LDLRAD3: variants seen among roughly 807,000 people sequenced by gnomAD.
The protein encoded by LDLRAD3 is low density lipoprotein receptor class A domain containing 3, also known as low-density lipoprotein receptor class A domain-containing protein 3.
Under a neutral mutation model 29.4 loss-of-function variants are expected in LDLRAD3, and 20 were observed. That is an observed-to-expected ratio of 0.68 (90% CI 0.48 to 0.99). LDLRAD3 has a LOEUF of 0.99. Among genes scored for constraint, LDLRAD3 ranks in the 50% least tolerant of loss-of-function variants. The pLI, the probability that LDLRAD3 is intolerant of heterozygous loss-of-function variation, is 0.00. For missense variants in LDLRAD3, 420 were observed against 454.3 expected (o/e 0.92, Z 0.69); for synonymous variants, 157 against 192.7 (o/e 0.81, Z 1.53).
rs562481576 is a variant in LDLRAD3, at chr11:35,990,401, C to T, written c.47-45702C>T. Among the ~76,000 whole-genome samples the T allele has an allele frequency of 2.0e-5, 3 of 152,098 alleles. No individual in the cohort carries two copies. The South Asian group carries it at 6.2e-4, about 32-fold the overall frequency. On this transcript the variant is annotated intron_variant, in intron 1 of 5. Transcript: ENST00000315571. Reference sequence around the variant, plus strand: ...TGTGGCATTCCTTGGCTGGCAGCTGCATAACTTCAATCTCTGCCTCCATCT... The same window carrying T: ...TGTGGCATTCCTTGGCTGGCAGCTGTATAACTTCAATCTCTGCCTCCATCT...
At chr11:36,046,856 G>C (rs79540789) in intron 2 of LDLRAD3, among the ~76,000 whole-genome samples, 2,296 of 152,216 alleles carry the variant, frequency 0.015, 53 homozygotes, top group African/African-American at 0.052. Context: ...AACCAAGTGT[G>C]TCAATAAAGC....
rs541155009 is a variant in LDLRAD3, at chr11:35,944,173, CCGCGGGGCGCGGGG to C, written c.46+47_46+60del. On this transcript the variant is annotated intron_variant, in intron 1 of 5. Coordinates refer to ENST00000315571, the MANE Select transcript of LDLRAD3 (RefSeq NM_174902.4). This position sits in a 1 kb window ranked among gnomAD's most constrained non-coding sequence, Gnocchi z 4.9. ...AGTCGGGGGGCGGCCGGCGAACTTCCCGCGGGGCGCGGGGCGCGGGGCGCGGGGCGCAGCGGCCG... is the reference window on the plus strand; with the variant it reads ...AGTCGGGGGGCGGCCGGCGAACTTCCCGCGGGGCGCGGGGCGCAGCGGCCG... 7,212 of 990,854 alleles carry C rather than the reference CCGCGGGGCGCGGGG, an allele frequency of 7.3e-3. 39 individuals carry two copies. Among genetic ancestry groups the C allele is most frequent in the Non-Finnish European group, 7.8e-3 (6,488 of 831,194 alleles). 61.4% of individuals were successfully genotyped at this position (990,854 alleles called of 1,614,324 possible).
chr11:36,078,378 C>T (rs1853051656), intron 2 of LDLRAD3, among the ~76,000 whole-genome samples: 1 of 152,200 alleles, frequency 6.6e-6, no homozygotes, highest in Non-Finnish European at 1.5e-5. Context: ...TCTTCAGCAC[C>T]CCCTTGGTCT....
At chr11:36,041,827 T>C (rs1852385308) in intron 2 of LDLRAD3, among the ~76,000 whole-genome samples, 1 of 152,210 alleles carries the variant, frequency 6.6e-6, no homozygotes, top group Admixed American at 6.5e-5. Flanking sequence ...TTGATGTCTT[T>C]GACTTTCCAT....
intron 3 of LDLRAD3, 65 bp downstream of exon 3, chr11:36,081,843 T>C (rs1853120909): frequency 1.5e-5 from 24 of 1,593,320 alleles, no homozygotes; most frequent in South Asian, 4.5e-5. Flanking sequence ...CTTGTCCACA[T>C]TGGTCACCCT....
intron 4 of LDLRAD3, among the ~76,000 whole-genome samples, chr11:36,125,619 T>C (rs1000913082): frequency 6.6e-6 from 1 of 152,146 alleles, no homozygotes; most frequent in African/African-American, 2.4e-5. Flanking sequence ...GTGAGACTGC[T>C]CCATCTGAGA....
chr11:36,176,399 T>C (rs778011241), intron 4 of LDLRAD3, among the ~76,000 whole-genome samples: 2 of 152,160 alleles, frequency 1.3e-5, no homozygotes, highest in Non-Finnish European at 2.9e-5. Flanking sequence ...GTTACTGTTT[T>C]ATAGGCCCTG....
At chr11:36,141,410 C>T (rs545934212) in intron 4 of LDLRAD3, among the ~76,000 whole-genome samples, 10 of 152,220 alleles carry the variant, frequency 6.6e-5, no homozygotes, top group Admixed American at 5.9e-4. Context: ...TTTTTATGTG[C>T]GTCTTGGAAG....
chr11:36,025,217 A>G (rs1300684973), intron 1 of LDLRAD3, among the ~76,000 whole-genome samples: 2 of 151,936 alleles, frequency 1.3e-5, no homozygotes, highest in Non-Finnish European at 2.9e-5. Flanking sequence ...TATGTCTTTC[A>G]TAGGGTTTTT....
intron 4 of LDLRAD3, among the ~76,000 whole-genome samples, chr11:36,157,600 G>A (rs1465370984): frequency 6.6e-6 from 1 of 152,184 alleles, no homozygotes; most frequent in African/African-American, 2.4e-5. Context: ...TGGATTGGGG[G>A]TCATGATAAG....
At chr11:36,201,622 A>G (rs1177739894) in intron 4 of LDLRAD3, among the ~76,000 whole-genome samples, 1 of 152,242 alleles carries the variant, frequency 6.6e-6, no homozygotes, top group Admixed American at 6.5e-5. Context: ...TTTCACTTCC[A>G]TAATTACAAC....
intron 1 of LDLRAD3, among the ~76,000 whole-genome samples, chr11:36,014,243 A>G (rs1463956982): frequency 6.6e-6 from 1 of 152,206 alleles, no homozygotes; most frequent in Non-Finnish European, 1.5e-5. Context: ...TTTGAACAGA[A>G]GCTGTTTTGT....
At chr11:36,204,271 C>A (rs17813639) in intron 4 of LDLRAD3, among the ~76,000 whole-genome samples, 16,000 of 152,116 alleles carry the variant, frequency 0.11, 1,114 homozygotes, top group Admixed American at 0.2. Context: ...GGGTCAGGTC[C>A]AAGCCATCTC....
At position 36,069,344 on chromosome 11, in the gene LDLRAD3, C is replaced by A. The variant is rs575438072; in HGVS notation, c.194-12309C>A. Among the ~76,000 whole-genome samples, 13 of 152,270 alleles carry A rather than the reference C, an allele frequency of 8.5e-5. No homozygotes were observed. In the East Asian group the frequency reaches 2.5e-3, roughly 29 times the overall value. On this transcript the variant is annotated intron_variant, in intron 2 of 5. Coordinates refer to ENST00000315571, the MANE Select transcript of LDLRAD3 (RefSeq NM_174902.4). ...GCCTTCTTTGCTTTCTTGTCCCCAA[C>A]CATGAAGTCATTTTCAAAGGAACCA...
At chr11:35,962,009 C>T (rs1020713136) in intron 1 of LDLRAD3, among the ~76,000 whole-genome samples, 2 of 152,106 alleles carry the variant, frequency 1.3e-5, no homozygotes, top group Non-Finnish European at 2.9e-5. Flanking sequence ...TCTTGATCCT[C>T]CTGAAAATTT....
At chr11:36,180,037 A>G (rs886804358) in intron 4 of LDLRAD3, among the ~76,000 whole-genome samples, 3 of 152,158 alleles carry the variant, frequency 2.0e-5, no homozygotes, top group African/African-American at 4.8e-5. Flanking sequence ...AACATATGTA[A>G]AATGGCCAGC....
intron 1 of LDLRAD3, among the ~76,000 whole-genome samples, chr11:35,951,265 A>C (rs149333894): frequency 1.1e-3 from 160 of 152,250 alleles, no homozygotes; most frequent in African/African-American, 3.8e-3. Flanking sequence ...TTTAGCTTTA[A>C]CATGGATTTA....
At chr11:36,035,174 TC>T (rs560383229) in intron 1 of LDLRAD3, among the ~76,000 whole-genome samples, 345 of 45,116 alleles carry the variant, frequency 7.6e-3, no homozygotes, top group Non-Finnish European at 0.015. Flanking sequence ...GAAGGACTGG[TC>T]TTTTTTTTTT....
At chr11:36,046,898 A>AAT (rs1055552196) in intron 2 of LDLRAD3, among the ~76,000 whole-genome samples, 7 of 152,146 alleles carry the variant, frequency 4.6e-5, no homozygotes, top group African/African-American at 1.7e-4. Context: ...AAAATAAATA[A>AAT]ATATATATAT....
Sources: allele counts gnomAD v4.1 joint callset (sites outside exome capture counted in the v4.1 genomes callset), GRCh38; gene constraint gnomAD v4.1.1; non-coding constraint Gnocchi (gnomAD v3.1); transcripts MANE v1.5; gene names NCBI Gene and HGNC (gene_info 2026-07-23, HGNC 2026-07-21).